PDE10A: variants seen among roughly 807,000 people sequenced by gnomAD.
PDE10A encodes phosphodiesterase 10A.
In PDE10A, 39 loss-of-function variants were observed where a neutral mutation model predicts 97.7. That is an observed-to-expected ratio of 0.40 (90% CI 0.31 to 0.52). The LOEUF (loss-of-function observed/expected upper bound fraction) is 0.52, where lower values mean the gene tolerates loss of function less well. PDE10A is among the 20% of genes least tolerant of loss of function. PDE10A has a pLI of 0.56. For missense variants in PDE10A, 731 were observed against 1,047.8 expected, an observed-to-expected ratio of 0.70 and a Z score of 4.17; for synonymous variants, 371 against 376.8, an observed-to-expected ratio of 0.98 and a Z score of 0.18.
chr6:165,653,474 G>T (rs917079501), intron 1 of PDE10A, among the ~76,000 whole-genome samples: 1 of 152,204 alleles, frequency 6.6e-6, no homozygotes, highest in Non-Finnish European at 1.5e-5. Flanking sequence ...CCATGACACA[G>T]GGCAGAAGCA....
intron 1 of PDE10A, among the ~76,000 whole-genome samples, chr6:165,773,776 G>T (rs1778084603): frequency 6.6e-6 from 1 of 152,170 alleles, no homozygotes; most frequent in Non-Finnish European, 1.5e-5. Context: ...ATGGCTGTCA[G>T]TGTGATGAAA....
At chr6:165,343,820 T>C (rs1251622264) in intron 18 of PDE10A, among the ~76,000 whole-genome samples, 1 of 152,224 alleles carries the variant, frequency 6.6e-6, no homozygotes, top group African/African-American at 2.4e-5. Flanking sequence ...CTTTTATGGC[T>C]ATGGATCAGG....
intron 1 of PDE10A, among the ~76,000 whole-genome samples, chr6:165,926,619 C>G (rs939108677): frequency 4.6e-5 from 7 of 152,182 alleles, no homozygotes; most frequent in Admixed American, 3.3e-4. Flanking sequence ...GAAAAACAAG[C>G]CAGGCTTCCA....
At chr6:165,665,918 T>G (rs1386639681), upstream of PDE10A, among the ~76,000 whole-genome samples, 1 of 152,228 alleles carries the variant, frequency 6.6e-6, no homozygotes, top group Non-Finnish European at 1.5e-5. Context: ...TATTTTTAAA[T>G]CAAGTTAATT....
chr6:165,967,538 C>G (rs1048413726), intron 1 of PDE10A, among the ~76,000 whole-genome samples: 2 of 152,190 alleles, frequency 1.3e-5, no homozygotes, highest in Non-Finnish European at 2.9e-5. Flanking sequence ...TTTTGAACAC[C>G]ATTCGTATCT....
At chr6:165,860,612 T>A in intron 1 of PDE10A, among the ~76,000 whole-genome samples, 1 of 152,248 alleles carries the variant, frequency 6.6e-6, no homozygotes, top group Non-Finnish European at 1.5e-5. Context: ...TCGTTGCCTG[T>A]TTTTGCTCAT....
At chr6:165,407,035 T>TG (rs1787234214) in intron 13 of PDE10A, among the ~76,000 whole-genome samples, 1 of 152,154 alleles carries the variant, frequency 6.6e-6, no homozygotes, top group African/African-American at 2.4e-5. Context: ...GTTCTCCAGC[T>TG]TGCAGATGGC....
intron 1 of PDE10A, among the ~76,000 whole-genome samples, chr6:165,846,131 G>C (rs973649528): frequency 2.6e-5 from 4 of 152,132 alleles, no homozygotes; most frequent in African/African-American, 9.7e-5. Context: ...CGGACTCTTC[G>C]TGCCTTGCAG....
intron 1 of PDE10A, among the ~76,000 whole-genome samples, chr6:165,612,443 C>T (rs1787539681): frequency 6.6e-6 from 1 of 152,000 alleles, no homozygotes; most frequent in South Asian, 2.1e-4. Flanking sequence ...GTGGCACAAT[C>T]TCGGCTCACC....
intron 21 of PDE10A, among the ~76,000 whole-genome samples, chr6:165,334,763 C>A (rs1781549687): frequency 6.6e-6 from 1 of 152,046 alleles, no homozygotes; most frequent in Non-Finnish European, 1.5e-5. Context: ...TAAGGCTCAA[C>A]AGAACAAGGT....
intron 2 of PDE10A, among the ~76,000 whole-genome samples, chr6:165,503,364 C>T (rs935335541): frequency 2.0e-5 from 3 of 152,152 alleles, no homozygotes; most frequent in Admixed American, 1.3e-4. Context: ...AAGAATGCAG[C>T]GGGCTGGATG....
At chr6:165,585,935 A>G (rs1375597718) in intron 1 of PDE10A, among the ~76,000 whole-genome samples, 1 of 152,094 alleles carries the variant, frequency 6.6e-6, no homozygotes, top group Non-Finnish European at 1.5e-5. Flanking sequence ...GCTGCTTGCT[A>G]TGTGGACTCT....
At chr6:165,752,420 T>G (rs2128456293) in intron 1 of PDE10A, among the ~76,000 whole-genome samples, 1 of 152,334 alleles carries the variant, frequency 6.6e-6, no homozygotes, top group African/African-American at 2.4e-5. Context: ...CCAGCTGCAC[T>G]GAACCTGGGC....
intron 1 of PDE10A, among the ~76,000 whole-genome samples, chr6:165,823,574 T>C (rs1372514551): frequency 6.9e-6 from 1 of 145,430 alleles, no homozygotes; most frequent in African/African-American, 2.5e-5. Flanking sequence ...ACTTTATATA[T>C]AAATATTCAA....
intron 2 of PDE10A, among the ~76,000 whole-genome samples, chr6:165,510,471 T>C (rs762199062): frequency 6.6e-6 from 1 of 152,026 alleles, no homozygotes; most frequent in Non-Finnish European, 1.5e-5. Flanking sequence ...TTATCAGAGA[T>C]AGATATACTG....
intron 5 of PDE10A, among the ~76,000 whole-genome samples, chr6:165,437,107 T>C (rs1790077283): frequency 6.6e-6 from 1 of 152,132 alleles, no homozygotes; most frequent in African/African-American, 2.4e-5. Flanking sequence ...GAAGAACATG[T>C]CATAATAAAA....
intron 1 of PDE10A, among the ~76,000 whole-genome samples, chr6:165,621,771 A>AAGAAGAAG (rs112872551): frequency 0.042 from 5,593 of 134,540 alleles, 394 homozygotes; most frequent in African/African-American, 0.14. Context: ...AAGAAAAAAA[A>AAGAAGAAG]AAGAAGAAGA....
At chr6:165,840,804 G>A (rs1780238770) in intron 1 of PDE10A, among the ~76,000 whole-genome samples, 1 of 152,182 alleles carries the variant, frequency 6.6e-6, no homozygotes, top group Non-Finnish European at 1.5e-5. Flanking sequence ...CAATATAAAT[G>A]TGCACTAAAA....
intron 1 of PDE10A, among the ~76,000 whole-genome samples, chr6:165,848,802 C>T (rs922565769): frequency 1.3e-5 from 2 of 152,030 alleles, no homozygotes; most frequent in African/African-American, 2.4e-5. Flanking sequence ...AAGATAGGGC[C>T]GGGGGAGGAA....
Sources: gnomAD v4.1 joint callset for allele counts (sites outside exome capture counted in the v4.1 genomes callset) on GRCh38, gnomAD v4.1.1 for gene constraint, MANE v1.5 for transcripts, NCBI Gene and HGNC (gene_info 2026-07-23, HGNC 2026-07-21) for gene names.